The following AFG1L variants were observed in gnomAD, a reference collection of about 807,000 sequenced individuals.
AFG1L encodes the protein AFG1 like ATPase, also known as AFG1-like ATPase.
AFG1L carries 53 observed loss-of-function variants against 62.2 expected under a neutral mutation model. The observed-to-expected ratio is 0.85, with a 90% CI of 0.68 to 1.07. The LOEUF is 1.07. AFG1L is among the 50% of genes least tolerant of loss of function. The pLI, the probability that AFG1L is intolerant of heterozygous loss-of-function variation, is 0.00. For missense variants in AFG1L, 555 were observed against 590.5 expected, an observed-to-expected ratio of 0.94 and a Z score of 0.62; for synonymous variants, 228 against 210.3, an observed-to-expected ratio of 1.08 and a Z score of -0.73.
chr6:108,483,363 C>T (rs1773402811), intron 10 of AFG1L, among the ~76,000 whole-genome samples: 2 of 152,022 alleles, frequency 1.3e-5, no homozygotes, highest in South Asian at 4.1e-4. Flanking sequence ...GGAGAAATAA[C>T]CCATATAAGC....
chr6:108,364,912 T>C (rs1779693993), intron 5 of AFG1L, among the ~76,000 whole-genome samples: 1 of 151,796 alleles, frequency 6.6e-6, no homozygotes, highest in Non-Finnish European at 1.5e-5. Context: ...ATGGTTTTGT[T>C]GTTTTCAGGT....
rs149254966 is a variant in AFG1L at position 108,344,662 on chromosome 6, G to T, written c.364-2326G>T. ...AAGCTAGGTTTTGAGAATGTTCTCT[G>T]CCAAATTATTGACCACTCCGGTTGA... is the stretch of plus-strand genomic sequence containing the variant. On this transcript the variant is annotated intron_variant, in intron 2 of 12. Coordinates refer to ENST00000368977, the MANE Select transcript of AFG1L (RefSeq NM_145315.5). 5.6e-4 allele frequency: 259 copies of T among 466,184 alleles called. 2 individuals are homozygous for T. The East Asian group carries it at 5.9e-3, about 11-fold the overall frequency. The allele number at this position is 466,184 out of a possible 1,614,324, so 28.9% of individuals were successfully genotyped here. A position where few individuals can be genotyped will look rare whatever the true frequency, so the allele number is the denominator to read the frequency against.
chr6:108,505,016 C>T (rs1774341965), intron 10 of AFG1L, among the ~76,000 whole-genome samples: 1 of 151,616 alleles, frequency 6.6e-6, no homozygotes, highest in Non-Finnish European at 1.5e-5. Flanking sequence ...TAAGCCAGCC[C>T]TCTCATGGAC....
chr6:108,358,632 A>G (rs949125811), intron 5 of AFG1L, among the ~76,000 whole-genome samples: 3 of 152,204 alleles, frequency 2.0e-5, no homozygotes, highest in African/African-American at 7.2e-5. Context: ...TCCTGGGTCA[A>G]GCGATTCTTC....
intron 8 of AFG1L, among the ~76,000 whole-genome samples, chr6:108,473,001 T>C (rs999158195): frequency 6.6e-6 from 1 of 151,944 alleles, no homozygotes; most frequent in African/African-American, 2.4e-5. Context: ...AAAGTTTTGC[T>C]GTGTTGGCCA....
Position 108,366,266 on chromosome 6 carries a change from C to T in AFG1L, c.682C>T (p.Gln228Ter). The change falls in exon 6 of 13, where the codon CAG (glutamine) becomes TAG (stop). Residue 228 changes from glutamine (Q) to a stop codon, truncating the protein, a stop_gained. Transcript: ENST00000368977. LOFTEE classifies it high-confidence loss of function. The stretch of plus-strand genomic sequence containing the variant: ...CATTGCTGATGCCATGATTCTGAAA[C>T]AGCTTTTTGAAAATCTGTTCAAAAA... ...TDIADAMILK[Q>*]LFENLFKNGV... is the part of the protein sequence containing the mutation. 6.2e-7 allele frequency: 1 copy of T among 1,610,640 alleles called. No homozygotes were observed. Among genetic ancestry groups the T allele is most frequent in the Non-Finnish European group, 8.5e-7 (1 of 1,177,558 alleles).
chr6:108,429,119 T>C (rs2114708039), intron 7 of AFG1L, among the ~76,000 whole-genome samples: 1 of 152,296 alleles, frequency 6.6e-6, no homozygotes, highest in Admixed American at 6.5e-5. Flanking sequence ...AGTTTTATTC[T>C]TCCACCTGTA....
chr6:108,323,513 C>A (rs1777901580), intron 1 of AFG1L, among the ~76,000 whole-genome samples: 1 of 152,068 alleles, frequency 6.6e-6, no homozygotes, highest in Non-Finnish European at 1.5e-5. Context: ...AAGCATGCAC[C>A]ACCATGCCCA....
rs368472752 is a variant in AFG1L, at chr6:108,408,438, A to AT, written c.807+6385dup. Among the ~76,000 whole-genome samples, 1,057 of 152,330 alleles carry AT rather than the reference A, an allele frequency of 6.9e-3. 9 individuals are homozygous for AT. Among genetic ancestry groups the AT allele is most frequent in the Non-Finnish European group, 0.01 (713 of 68,032 alleles). ...GCCAAAGATTACATTCCCTATGCAG[A>AT]TATCTGGAGCTTTTCTTTTGCATAG... On this transcript the variant is annotated intron_variant, in intron 7 of 12. Transcript: ENST00000368977.
intron 1 of AFG1L, among the ~76,000 whole-genome samples, chr6:108,317,843 A>G (rs1306165604): frequency 6.6e-6 from 1 of 152,184 alleles, no homozygotes; most frequent in African/African-American, 2.4e-5. Context: ...GTCAGAAGCA[A>G]GGTGGAGTCA....
intron 5 of AFG1L, 96 bp from the exon 6 acceptor site, chr6:108,366,137 G>T: frequency 1.5e-6 from 1 of 652,816 alleles, no homozygotes; most frequent in African/African-American, 1.8e-5. Flanking sequence ...TTTTCTCTTG[G>T]AATTTACTTC....
chr6:108,302,718 CAA>C lies in AFG1L; in HGVS notation c.139+7503_139+7504del, dbSNP rs1386393779. On this transcript the variant is annotated intron_variant, in intron 1 of 12. Transcript: ENST00000368977. Reference sequence around the variant, plus strand: ...TTAAAGGAAAGCACACCACTCCAGTCAAAACCTTGGTAAAATAACCAGTTTCT... The same window carrying C: ...TTAAAGGAAAGCACACCACTCCAGTCAACCTTGGTAAAATAACCAGTTTCT... Among the ~76,000 whole-genome samples the C allele has an allele frequency of 6.6e-5, 10 of 152,258 alleles. 1 individual carries two copies. The highest frequency in any genetic ancestry group is 2.0e-4 in the Admixed American group (3 of 15,298).
chr6:108,390,059 T>G (rs1780978086), intron 6 of AFG1L, among the ~76,000 whole-genome samples: 1 of 152,224 alleles, frequency 6.6e-6, no homozygotes, highest in Non-Finnish European at 1.5e-5. Context: ...CCATATTTCT[T>G]GGAGGCTTTG....
At chr6:108,295,366 C>CT (rs1776726196) in intron 1 of AFG1L, 148 bp downstream of exon 1, 2 of 852,424 alleles carry the variant, frequency 2.3e-6, no homozygotes, top group Non-Finnish European at 1.8e-6. Context: ...TTCTCTTGAC[C>CT]TTTTATACTG....
intron 8 of AFG1L, among the ~76,000 whole-genome samples, chr6:108,450,889 G>A (rs184994343): frequency 1.2e-4 from 18 of 150,492 alleles, no homozygotes; most frequent in Middle Eastern, 3.4e-3. Context: ...TCAGATAGTC[G>A]TAGATATGCG....
intron 2 of AFG1L, chr6:108,344,881 G>T: frequency 2.2e-6 from 1 of 457,448 alleles, no homozygotes; most frequent in South Asian, 1.6e-5. Context: ...GTTCTATTTT[G>T]CTTCATCTCC....
In AFG1L at chr6:108,362,906, T is replaced by TA. The variant is rs34139888; in HGVS notation, c.649-3321dup. Among the ~76,000 whole-genome samples, 128 of 152,202 alleles carry TA rather than the reference T, an allele frequency of 8.4e-4. 1 individual carries two copies. Among genetic ancestry groups the TA allele is most frequent in the African/African-American group, 3.0e-3 (124 of 41,462 alleles). On this transcript the variant is annotated intron_variant, in intron 5 of 12. Transcript: ENST00000368977. Reference sequence around the variant, plus strand: ...CCTAGTACAATACTTGCTGATTTATTAAAAAAGAGTTTTTAAGGCACTTTA... The same window carrying TA: ...CCTAGTACAATACTTGCTGATTTATTAAAAAAAGAGTTTTTAAGGCACTTTA...
chr6:108,421,631 C>G (rs1044078943), intron 7 of AFG1L, among the ~76,000 whole-genome samples: 4 of 151,912 alleles, frequency 2.6e-5, no homozygotes, highest in African/African-American at 7.2e-5. Flanking sequence ...GACCCTGCAC[C>G]CCCCCTGTCT....
intron 3 of AFG1L, among the ~76,000 whole-genome samples, chr6:108,350,112 C>T (rs1562100491): frequency 6.6e-6 from 1 of 151,540 alleles, no homozygotes; most frequent in Non-Finnish European, 1.5e-5. Context: ...GTCACAGCTA[C>T]TCAGGAGGCT....
Sources: gnomAD v4.1 joint callset for allele counts (sites outside exome capture counted in the v4.1 genomes callset) on GRCh38, gnomAD v4.1.1 for gene constraint, MANE v1.5 for transcripts, NCBI Gene and HGNC (gene_info 2026-07-23, HGNC 2026-07-21) for gene names.